Variants in GLP2R observed in about 807,000 individuals in gnomAD.
The protein encoded by GLP2R is glucagon-like peptide 2 receptor.
GLP2R carries 59 observed loss-of-function variants against 68.2 expected under a neutral mutation model. That is an observed-to-expected ratio of 0.87 (90% CI 0.70 to 1.07). GLP2R has a LOEUF of 1.07. Ranked by LOEUF, GLP2R falls within the 50% of genes least tolerant of loss-of-function variation. GLP2R has a pLI of 0.00. For synonymous variants in GLP2R, 270 were observed against 265.4 expected (o/e 1.02, Z -0.17); for missense variants, 548 against 677.4 (o/e 0.81, Z 2.12).
intron 9 of GLP2R, among the ~76,000 whole-genome samples, chr17:9,870,195 C>G (rs982122673): frequency 6.6e-6 from 1 of 152,062 alleles, no homozygotes; most frequent in African/African-American, 2.4e-5. Context: ...AGCCATGCAA[C>G]CTGGGAATTA....
At chr17:9,881,317 T>G (rs994877328) in intron 11 of GLP2R, among the ~76,000 whole-genome samples, 4 of 151,126 alleles carry the variant, frequency 2.6e-5, no homozygotes, top group Non-Finnish European at 5.9e-5. Flanking sequence ...CTCCTTGTGG[T>G]CTCTCCACAG....
At chr17:9,836,003 T>A (rs1481894908) in intron 2 of GLP2R, among the ~76,000 whole-genome samples, 1 of 137,090 alleles carries the variant, frequency 7.3e-6, no homozygotes, top group Non-Finnish European at 1.5e-5. Context: ...CACGCCATTG[T>A]ACTCCAGCCT....
At chr17:9,826,285 G>A in intron 1 of GLP2R, 33 bp downstream of exon 1, 2 of 1,467,322 alleles carry the variant, frequency 1.4e-6, no homozygotes, top group Non-Finnish European at 1.8e-6. Flanking sequence ...ATTATTATCA[G>A]TTGTATTTCC....
rs745596472 is a variant in GLP2R, at chr17:9,826,124, G to A, written c.61G>A (p.Val21Ile). 85 of 1,612,600 alleles carry A rather than the reference G, an allele frequency of 5.3e-5. No homozygotes were observed. The highest frequency in any genetic ancestry group is 1.6e-4 in the Middle Eastern group (1 of 6,062). ...GRGSAGLLPGVHELPMGIPAP... is the reference protein window; with the variant it reads ...GRGSAGLLPGIHELPMGIPAP... Reference sequence around the variant, plus strand: ...AGGAAGCGCGGGACTCCTGCCTGGCGTCCACGAGCTGCCCATGGGCATCCC... The same window carrying A: ...AGGAAGCGCGGGACTCCTGCCTGGCATCCACGAGCTGCCCATGGGCATCCC... The change falls in exon 1 of 13, where the codon GTC (valine) becomes ATC (isoleucine). Residue 21 changes from valine (V) to isoleucine (I), a missense_variant. Physicochemically the swap from Val to Ile is conservative, Grantham distance 29. Coordinates refer to ENST00000262441, the MANE Select transcript of GLP2R (RefSeq NM_004246.3).
intron 1 of GLP2R, among the ~76,000 whole-genome samples, chr17:9,829,154 C>A (rs1225476236): frequency 1.3e-5 from 2 of 152,054 alleles, no homozygotes; most frequent in East Asian, 3.9e-4. Flanking sequence ...TAAATTCAAG[C>A]AGGGAGGTAG....
chr17:9,841,181 TA>T (rs758922936), intron 3 of GLP2R, among the ~76,000 whole-genome samples: 1 of 99,296 alleles, frequency 1.0e-5, no homozygotes, highest in Non-Finnish European at 2.4e-5. Flanking sequence ...CATGCCTAGC[TA>T]ATTTTTTTTT....
intron 1 of GLP2R, 50 bp downstream of exon 1, chr17:9,826,302 T>A (rs930931625): frequency 2.8e-6 from 4 of 1,416,872 alleles, no homozygotes; most frequent in Non-Finnish European, 3.7e-6. Flanking sequence ...TTCCTGATTT[T>A]TTTTTAAAGA....
rs974367897 is a variant in GLP2R at position 9,829,549 on chromosome 17, T to A, written c.189+3297T>A. Reference sequence around the variant, plus strand: ...TAGAGGATTTAAAAACTAAATTATATCACTTTTTTTCATAGAATGTTATGT... The same window carrying A: ...TAGAGGATTTAAAAACTAAATTATAACACTTTTTTTCATAGAATGTTATGT... On this transcript the variant is annotated intron_variant, in intron 1 of 12. Coordinates refer to ENST00000262441, the MANE Select transcript of GLP2R (RefSeq NM_004246.3). Among the ~76,000 whole-genome samples the A allele has an allele frequency of 2.0e-5, 3 of 152,284 alleles. No individual in the cohort carries two copies. The East Asian group carries it at 5.8e-4, about 29-fold the overall frequency.
intron 11 of GLP2R, among the ~76,000 whole-genome samples, chr17:9,883,938 T>C (rs1325182668): frequency 6.6e-6 from 1 of 152,152 alleles, no homozygotes; most frequent in Non-Finnish European, 1.5e-5. Context: ...GTGGAAAAGG[T>C]AGATACACAG....
At chr17:9,831,179 G>A (rs560545869) in intron 1 of GLP2R, among the ~76,000 whole-genome samples, 1 of 152,172 alleles carries the variant, frequency 6.6e-6, no homozygotes, top group Non-Finnish European at 1.5e-5. Flanking sequence ...CCTGGCCCTA[G>A]AAAACATTTG....
At chr17:9,837,265 G>A (rs549758925) in intron 3 of GLP2R, among the ~76,000 whole-genome samples, 16 of 152,090 alleles carry the variant, frequency 1.1e-4, no homozygotes, top group East Asian at 1.9e-4. Flanking sequence ...TGTCCCAGCC[G>A]CCCACTACCC....
At chr17:9,873,739 A>T (rs929032494) in intron 10 of GLP2R, among the ~76,000 whole-genome samples, 42 of 152,080 alleles carry the variant, frequency 2.8e-4, no homozygotes, top group African/African-American at 9.9e-4. Flanking sequence ...CTGCTGGGCC[A>T]GATGTTCTAT....
chr17:9,851,449 G>A (rs1597386663), intron 4 of GLP2R, among the ~76,000 whole-genome samples: 1 of 152,298 alleles, frequency 6.6e-6, no homozygotes, highest in East Asian at 1.9e-4. Flanking sequence ...TTGACAATAA[G>A]CAGAGAGACA....
In GLP2R at chr17:9,889,861, T is replaced by C; in HGVS notation, c.*156T>C. On this transcript the variant is annotated 3_prime_UTR_variant, in exon 13 of 13. Transcript: ENST00000262441. ...AAAGCTATCACAAGGTTCTTCAAGC[T>C]CTGTATGAAAGAGGCTGTGTGTCAT... 2 of 627,356 alleles carry C rather than the reference T, an allele frequency of 3.2e-6. No individual in the cohort carries two copies. The highest frequency in any genetic ancestry group is 5.6e-6 in the Non-Finnish European group (2 of 354,728). 38.9% of individuals were successfully genotyped at this position (627,356 alleles called of 1,614,324 possible).
Position 9,887,955 on chromosome 17 carries a change from T to C in GLP2R, c.1308T>C (p.Tyr436=). 1 of 1,612,742 alleles carries C rather than the reference T, an allele frequency of 6.2e-7. No individual in the cohort carries two copies. Among genetic ancestry groups the C allele is most frequent in the South Asian group, 1.1e-5 (1 of 91,064 alleles). ...SFHGFLVALQ[Y]GFANGEVKAE... ...AGGGGTTCCTGGTGGCCTTGCAGTATGGTTTTGCCAATGGAGAGGTATGAT... is the reference window on the plus strand; with the variant it reads ...AGGGGTTCCTGGTGGCCTTGCAGTACGGTTTTGCCAATGGAGAGGTATGAT... Residue 436 remains tyrosine, a synonymous_variant, in exon 12 of 13, where the codon TAT becomes TAC. Coordinates refer to ENST00000262441, the MANE Select transcript of GLP2R (RefSeq NM_004246.3).
intron 12 of GLP2R, 53 bp downstream of exon 12, chr17:9,888,026 C>G: frequency 8.2e-7 from 1 of 1,219,532 alleles, no homozygotes; most frequent in Non-Finnish European, 1.2e-6. Context: ...GACTGCAACC[C>G]TACCCACCTC....
intron 4 of GLP2R, among the ~76,000 whole-genome samples, chr17:9,850,640 C>A (rs969648192): frequency 1.3e-5 from 2 of 151,926 alleles, no homozygotes; most frequent in African/African-American, 4.8e-5. Context: ...GGCTTGATAA[C>A]CCATGCTTTA....
At chr17:9,880,656 C>T (rs893755156) in intron 11 of GLP2R, 140 bp downstream of exon 11, 5 of 556,788 alleles carry the variant, frequency 9.0e-6, no homozygotes, top group African/African-American at 5.7e-5. Context: ...GGGCCCTTGG[C>T]ATTAGAAGGG....
intron 11 of GLP2R, among the ~76,000 whole-genome samples, chr17:9,881,597 G>A (rs1420797408): frequency 6.7e-6 from 1 of 149,726 alleles, no homozygotes; most frequent in African/African-American, 2.5e-5. Flanking sequence ...AGCCGGGATG[G>A]TCTCGATCTC....
Sources: allele counts gnomAD v4.1 joint callset (sites outside exome capture counted in the v4.1 genomes callset), GRCh38; gene constraint gnomAD v4.1.1; transcripts MANE v1.5; gene names NCBI Gene and HGNC (gene_info 2026-07-23, HGNC 2026-07-21).